Variants in NRG3 observed in about 807,000 individuals in gnomAD.
NRG3 encodes pro-neuregulin-3, membrane-bound isoform.
NRG3 carries 31 observed loss-of-function variants against 66.9 expected under a neutral mutation model. The observed-to-expected ratio is 0.46, with a 90% CI of 0.35 to 0.63. The LOEUF (loss-of-function observed/expected upper bound fraction) is 0.63, where lower values mean the gene tolerates loss of function less well. Among genes scored for constraint, NRG3 ranks in the 20% least tolerant of loss-of-function variants. NRG3 has a pLI of 0.00. For missense variants in NRG3, 910 were observed against 878.9 expected (o/e 1.04, Z -0.45); for synonymous variants, 393 against 359.4 (o/e 1.09, Z -1.06).
intron 4 of NRG3, among the ~76,000 whole-genome samples, chr10:82,890,898 T>C (rs1212031949): frequency 6.6e-6 from 1 of 152,178 alleles, no homozygotes; most frequent in Non-Finnish European, 1.5e-5. Flanking sequence ...TTTGGACAAT[T>C]TTCGTCTTTA....
At chr10:82,073,672 G>A (rs995859979) in intron 1 of NRG3, among the ~76,000 whole-genome samples, 2 of 152,070 alleles carry the variant, frequency 1.3e-5, no homozygotes, top group African/African-American at 2.4e-5. Context: ...TTTATCTGGT[G>A]TCTTCCATAT....
At chr10:82,435,312 G>C (rs943375619) in intron 2 of NRG3, among the ~76,000 whole-genome samples, 1 of 151,960 alleles carries the variant, frequency 6.6e-6, no homozygotes, top group African/African-American at 2.4e-5. Context: ...ATTTTTTATT[G>C]TGTCTGTCTG....
intron 1 of NRG3, among the ~76,000 whole-genome samples, chr10:81,930,248 A>G (rs1847208668): frequency 6.6e-6 from 1 of 152,170 alleles, no homozygotes; most frequent in South Asian, 2.1e-4. Flanking sequence ...CCCATAAGTT[A>G]AAGAGTATGG....
At chr10:82,934,672 G>A (rs1296841654) in intron 4 of NRG3, among the ~76,000 whole-genome samples, 1 of 152,124 alleles carries the variant, frequency 6.6e-6, no homozygotes, top group South Asian at 2.1e-4. Context: ...TTCTCATCTA[G>A]CATCCTAACT....
chr10:82,819,449 G>A (rs1449940522), intron 3 of NRG3, among the ~76,000 whole-genome samples: 1 of 152,224 alleles, frequency 6.6e-6, no homozygotes, highest in African/African-American at 2.4e-5. Flanking sequence ...CCTAAGAGAA[G>A]CAGCAAAGCC....
intron 1 of NRG3, among the ~76,000 whole-genome samples, chr10:81,918,622 C>T (rs1458709891): frequency 6.6e-6 from 1 of 152,126 alleles, no homozygotes; most frequent in Non-Finnish European, 1.5e-5. Context: ...GCATGTGTAG[C>T]ATGCACCTCT....
intron 1 of NRG3, among the ~76,000 whole-genome samples, chr10:82,132,448 T>G (rs1210059639): frequency 9.4e-6 from 1 of 106,194 alleles, no homozygotes; most frequent in Non-Finnish European, 2.0e-5. Flanking sequence ...TAATATCTTT[T>G]ATATATATAT....
intron 3 of NRG3, among the ~76,000 whole-genome samples, chr10:82,820,843 C>G (rs143756838): frequency 6.6e-6 from 1 of 152,176 alleles, no homozygotes; most frequent in Non-Finnish European, 1.5e-5. Flanking sequence ...TTCTTTTAAT[C>G]GTTTTTGTGG....
At chr10:82,983,141 C>T (rs1016160607) in intron 8 of NRG3, among the ~76,000 whole-genome samples, 1 of 152,146 alleles carries the variant, frequency 6.6e-6, no homozygotes, top group East Asian at 1.9e-4. Flanking sequence ...TGCTGGTATA[C>T]CCTGATGATA....
At chr10:82,619,010 T>A (rs1293157058) in intron 2 of NRG3, among the ~76,000 whole-genome samples, 3 of 152,022 alleles carry the variant, frequency 2.0e-5, no homozygotes, top group East Asian at 1.9e-4. Flanking sequence ...GAAAAAAAAA[T>A]TTAAATTCTT....
At chr10:82,453,672 T>G (rs527727475) in intron 2 of NRG3, among the ~76,000 whole-genome samples, 1 of 150,748 alleles carries the variant, frequency 6.6e-6, no homozygotes, top group South Asian at 2.1e-4. Context: ...AAAAGCCTGA[T>G]GTTTTGAGCT....
chr10:82,435,779 CTTTTTTT>C lies in NRG3; in HGVS notation c.953+76925_953+76931del, dbSNP rs1158502018. Among the ~76,000 whole-genome samples, 346 of 108,280 alleles carry C rather than the reference CTTTTTTT, an allele frequency of 3.2e-3. 1 individual carries two copies. The highest frequency in any genetic ancestry group is 0.012 in the African/African-American group (329 of 27,330). The allele number at this position is 108,280 out of a possible 152,430, so 71.0% of individuals were successfully genotyped here. On this transcript the variant is annotated intron_variant, in intron 2 of 8. Transcript: ENST00000372141. ...GTTTTGAGTGAGTTTCTTTTCTTTT[CTTTTTTT>C]TTTTTTTTTTTTTGAGATGGAGTCT...
At chr10:81,995,104 C>A (rs2060887654) in intron 1 of NRG3, among the ~76,000 whole-genome samples, 1 of 152,068 alleles carries the variant, frequency 6.6e-6, no homozygotes, top group Non-Finnish European at 1.5e-5. Context: ...CTGCAGTTTT[C>A]TCTTTCATTT....
intron 1 of NRG3, among the ~76,000 whole-genome samples, chr10:82,001,773 C>T (rs1305414801): frequency 1.3e-5 from 2 of 152,064 alleles, no homozygotes; most frequent in Non-Finnish European, 2.9e-5. Context: ...AATGTATTTC[C>T]AGTTAACTGA....
intron 2 of NRG3, among the ~76,000 whole-genome samples, chr10:82,696,936 T>G (rs1440490809): frequency 6.6e-6 from 1 of 152,218 alleles, no homozygotes; most frequent in African/African-American, 2.4e-5. Flanking sequence ...ATGAAAAACG[T>G]CCCTCCATTG....
chr10:82,387,519 A>G (rs1485397255), intron 2 of NRG3, among the ~76,000 whole-genome samples: 1 of 152,246 alleles, frequency 6.6e-6, no homozygotes, highest in Middle Eastern at 3.2e-3. Context: ...CTAACAAACA[A>G]GAAAAGGAAA....
chr10:82,320,472 C>T (rs10884538), intron 1 of NRG3, among the ~76,000 whole-genome samples: 62,581 of 152,096 alleles, frequency 0.41, 18,470 homozygotes, highest in African/African-American at 0.83. Context: ...TCAGAACTCA[C>T]TGAATACTTA....
intron 1 of NRG3, among the ~76,000 whole-genome samples, chr10:82,280,964 T>C (rs2079091354): frequency 6.6e-6 from 1 of 152,166 alleles, no homozygotes. Flanking sequence ...ATATTAAAAA[T>C]TACTGGTGTT....
intron 1 of NRG3, among the ~76,000 whole-genome samples, chr10:81,983,492 T>A (rs1383289363): frequency 6.6e-6 from 1 of 152,194 alleles, no homozygotes; most frequent in Non-Finnish European, 1.5e-5. Flanking sequence ...TTTTGTGTGA[T>A]GCAATTTGTC....
Sources: gnomAD v4.1 joint callset for allele counts (sites outside exome capture counted in the v4.1 genomes callset) on GRCh38, gnomAD v4.1.1 for gene constraint, MANE v1.5 for transcripts, NCBI Gene and HGNC (gene_info 2026-07-23, HGNC 2026-07-21) for gene names.